The following USP32 variants were observed in gnomAD, a reference collection of about 807,000 sequenced individuals.
The protein encoded by USP32 is ubiquitin carboxyl-terminal hydrolase 32.
In USP32, 59 loss-of-function variants were observed where a neutral mutation model predicts 204.8. That is an observed-to-expected ratio of 0.29 (90% CI 0.23 to 0.36). The LOEUF (loss-of-function observed/expected upper bound fraction) is 0.36. Ranked by LOEUF, USP32 falls within the 10% of genes least tolerant of loss-of-function variation. USP32 has a pLI of 1.00. For synonymous variants in USP32, 517 were observed against 678.4 expected, an observed-to-expected ratio of 0.76 and a Z score of 3.70; for missense variants, 1,160 against 1,946.4, an observed-to-expected ratio of 0.60 and a Z score of 7.60.
At position 60,285,651 on chromosome 17, in the gene USP32, A is replaced by G. The variant is rs185617049; in HGVS notation, c.571+2872T>C. 1.3e-3 allele frequency among the ~76,000 whole-genome samples: 204 copies of G among 152,338 alleles called. 1 individual carries two copies. Among genetic ancestry groups the G allele is most frequent in the African/African-American group, 4.5e-3 (188 of 41,578 alleles). ...AAGTAGTTATAATACAAAGATGAAT[A>G]GGATAAATTAATTCAAAAAGGGTAC... On this transcript the variant is annotated intron_variant, in intron 5 of 33. Transcript: ENST00000300896.
chr17:60,256,627 A>G (rs2086313215), intron 9 of USP32: 1 of 976,182 alleles, frequency 1.0e-6, no homozygotes, highest in Non-Finnish European at 1.2e-6. Flanking sequence ...TCCCAAAGAC[A>G]TACACGTTAG....
At chr17:60,360,237 T>TGC (rs1036524876) in intron 1 of USP32, among the ~76,000 whole-genome samples, 47 of 151,904 alleles carry the variant, frequency 3.1e-4, no homozygotes, top group African/African-American at 1.0e-3. Flanking sequence ...CACTTTGGGA[T>TGC]GCGAGGTGGC....
intron 1 of USP32, among the ~76,000 whole-genome samples, chr17:60,389,753 A>C (rs2089796785): frequency 6.6e-6 from 1 of 151,586 alleles, no homozygotes; most frequent in South Asian, 2.1e-4. Flanking sequence ...GCGGTGGCTC[A>C]TGCCTGTAAT....
chr17:60,314,671 A>G (rs938771793), intron 2 of USP32, among the ~76,000 whole-genome samples: 1 of 152,162 alleles, frequency 6.6e-6, no homozygotes, highest in Non-Finnish European at 1.5e-5. Context: ...GTGAACAGAA[A>G]CATATTTGAA....
chr17:60,401,406 T>C (rs917959693), intron 1 of USP32, among the ~76,000 whole-genome samples: 2 of 152,096 alleles, frequency 1.3e-5, no homozygotes, highest in South Asian at 2.1e-4. Context: ...TTATAAGCAG[T>C]TGACGAATGC....
intron 1 of USP32, among the ~76,000 whole-genome samples, chr17:60,388,774 C>T (rs1190595620): frequency 6.6e-6 from 1 of 152,202 alleles, no homozygotes; most frequent in Non-Finnish European, 1.5e-5. Context: ...AAGGTTTAGA[C>T]AACTGACAAA....
chr17:60,328,797 T>A (rs760860374), intron 2 of USP32, among the ~76,000 whole-genome samples: 2 of 152,176 alleles, frequency 1.3e-5, no homozygotes, highest in Non-Finnish European at 2.9e-5. Flanking sequence ...CTGCTTGAAG[T>A]GCACCTGGTC....
intron 3 of USP32, among the ~76,000 whole-genome samples, chr17:60,297,688 G>T (rs1037414526): frequency 6.6e-6 from 1 of 152,048 alleles, no homozygotes; most frequent in African/African-American, 2.4e-5. Context: ...TGATCCACAT[G>T]CCTCAGCCTC....
intron 7 of USP32, among the ~76,000 whole-genome samples, chr17:60,267,897 A>C (rs995588830): frequency 6.8e-6 from 1 of 147,916 alleles, no homozygotes; most frequent in Non-Finnish European, 1.5e-5. Context: ...TGCAACCTCC[A>C]CCTCCCAGGT....
chr17:60,317,099 A>G (rs1054885847), intron 2 of USP32, among the ~76,000 whole-genome samples: 1 of 152,184 alleles, frequency 6.6e-6, no homozygotes, highest in African/African-American at 2.4e-5. Flanking sequence ...GATGAAAGAA[A>G]AATTATTTTT....
At chr17:60,251,026 T>C (rs2086152846) in intron 11 of USP32, among the ~76,000 whole-genome samples, 1 of 151,834 alleles carries the variant, frequency 6.6e-6, no homozygotes, top group Admixed American at 6.6e-5. Context: ...CACTGCAGCC[T>C]TGACCTCCTG....
intron 2 of USP32, among the ~76,000 whole-genome samples, chr17:60,305,663 A>G (rs560658269): frequency 9.2e-5 from 14 of 152,324 alleles, no homozygotes; most frequent in African/African-American, 3.1e-4. Context: ...AACAAATTCA[A>G]TTTATAAACA....
chr17:60,421,629 T>A (rs776747887), intron 1 of USP32: 8 of 974,282 alleles, frequency 8.2e-6, no homozygotes, highest in Non-Finnish European at 9.8e-6. Context: ...GACCCCGCCG[T>A]GTGCCGCCCA....
rs374979967 is a variant in USP32, at chr17:60,221,344, C to T, written c.1749+1065G>A. ...GGAGCTTGAGGTTATTTTTCATAAA[C>T]GTAATTATTAAGAACTCAAAATCAA... On this transcript the variant is annotated intron_variant, in intron 15 of 33. Transcript: ENST00000300896. Among the ~76,000 whole-genome samples the T allele has an allele frequency of 8.9e-4, 135 of 152,116 alleles. 3 individuals carry two copies. In the South Asian group the frequency reaches 0.026, roughly 30 times the overall value.
Position 60,301,684 on chromosome 17 carries a change from A to G in USP32, c.207T>C (p.Gly69=), listed in dbSNP as rs775328825. Residue 69 remains glycine, a synonymous_variant, in exon 3 of 34, where the codon GGT becomes GGC. Coordinates refer to ENST00000300896, the MANE Select transcript of USP32 (RefSeq NM_032582.4). ...KVAEVIYCSF[G]GTSKGLHFNN... ...TGAAGTGCAGCCCTTTGGATGTTCC[A>G]CCAAAAGAACAGTAAATCACCTGGA... The G allele has an allele frequency of 3.1e-6, 5 of 1,600,018 alleles. No individual in the cohort carries two copies. In the East Asian group the frequency reaches 9.1e-5, roughly 29 times the overall value.
chr17:60,304,063 T>G (rs1471528106), intron 2 of USP32, among the ~76,000 whole-genome samples: 1 of 151,838 alleles, frequency 6.6e-6, no homozygotes, highest in African/African-American at 2.4e-5. Flanking sequence ...ATTAAGAAGT[T>G]CAGAGAACAA....
At chr17:60,314,206 A>T (rs1002854360) in intron 2 of USP32, among the ~76,000 whole-genome samples, 51 of 117,324 alleles carry the variant, frequency 4.3e-4, no homozygotes, top group South Asian at 8.4e-4. Context: ...AGTGGCATTG[A>T]TCTTGGCTCA....
chr17:60,284,177 G>C (rs1446486624), intron 5 of USP32, among the ~76,000 whole-genome samples: 1 of 151,052 alleles, frequency 6.6e-6, no homozygotes, highest in African/African-American at 2.4e-5. Context: ...CAATGTACAG[G>C]AATATTTGTT....
At chr17:60,312,842 G>A (rs995032155) in intron 2 of USP32, among the ~76,000 whole-genome samples, 5 of 152,028 alleles carry the variant, frequency 3.3e-5, no homozygotes, top group African/African-American at 7.2e-5. Context: ...GGTGAGCTTC[G>A]AAGAATAACT....
Sources: allele counts gnomAD v4.1 joint callset (sites outside exome capture counted in the v4.1 genomes callset), GRCh38; gene constraint gnomAD v4.1.1; transcripts MANE v1.5; gene names NCBI Gene and HGNC (gene_info 2026-07-23, HGNC 2026-07-21).